ZNF354B: variants seen among roughly 807,000 people sequenced by gnomAD.
The protein encoded by ZNF354B is zinc finger protein 354B.
A neutral mutation model predicts 12.9 loss-of-function variants in ZNF354B; 10 were observed. That is an observed-to-expected ratio of 0.77 (90% CI 0.48 to 1.31). The LOEUF is 1.31. ZNF354B is among the 40% of genes most tolerant of loss of function. ZNF354B has a pLI of 0.00. For synonymous variants in ZNF354B, 260 were observed against 243.7 expected (o/e 1.07, Z -0.62); for missense variants, 614 against 711.7 (o/e 0.86, Z 1.56).
intron 4 of ZNF354B, among the ~76,000 whole-genome samples, chr5:178,880,088 C>T (rs888225658): frequency 1.3e-5 from 2 of 152,104 alleles, no homozygotes; most frequent in African/African-American, 2.4e-5. Context: ...ATCACGTCAC[C>T]GCACTTCAGC....
chr5:178,862,003 ATTAATG>A (rs1757355723), intron 2 of ZNF354B, among the ~76,000 whole-genome samples: 1 of 152,232 alleles, frequency 6.6e-6, no homozygotes, highest in South Asian at 2.1e-4. Context: ...GTCTTAATAT[ATTAATG>A]TTAATGTTGG....
intron 1 of ZNF354B, 88 bp from the exon 2 acceptor site, chr5:178,860,909 C>T (rs1268518347): frequency 1.9e-6 from 1 of 515,650 alleles, no homozygotes; most frequent in Non-Finnish European, 3.5e-6. Context: ...GCGCGGGGTC[C>T]TTCTCAGCGG....
chr5:178,874,384 C>G (rs933606158), intron 4 of ZNF354B, among the ~76,000 whole-genome samples: 2 of 152,140 alleles, frequency 1.3e-5, no homozygotes, highest in Non-Finnish European at 2.9e-5. Flanking sequence ...GGCAATGAGT[C>G]GTAGATTTTG....
rs1266928327 is a variant in ZNF354B, at chr5:178,884,990, T to G, written c.*699T>G. 1 of 152,212 alleles carries G rather than the reference T, an allele frequency of 6.6e-6. No homozygotes were observed. Among genetic ancestry groups the G allele is most frequent in the Non-Finnish European group, 1.5e-5 (1 of 68,018 alleles). 9.4% of individuals were successfully genotyped at this position (152,212 alleles called of 1,614,324 possible). ...CCTTTTCCTGACTTACTGTCAAACT[T>G]CGTGCATGGCTTTTATTAAAAAAGA... On this transcript the variant is annotated 3_prime_UTR_variant, in exon 5 of 5. Transcript: ENST00000322434.
rs1757742864 is a variant in ZNF354B at position 178,883,002 on chromosome 5, A to G, written c.550A>G (p.Thr184Ala). The change falls in exon 5 of 5, where the codon ACT (threonine) becomes GCT (alanine). Residue 184 changes from threonine (T) to alanine (A), a missense_variant. Coordinates refer to ENST00000322434, the MANE Select transcript of ZNF354B (RefSeq NM_058230.3). ...GCAACAGAGATTTGCTAAAGAAAAA[A>G]CTCCATCAAAATGTGAAATACAAAG... is the stretch of plus-strand genomic sequence containing the variant. Reference protein sequence around the residue: ...IKQQRFAKEKTPSKCEIQRNS... With the variant: ...IKQQRFAKEKAPSKCEIQRNS... 11 of 1,606,892 alleles carry G rather than the reference A, an allele frequency of 6.8e-6. No homozygotes were observed. The highest frequency in any genetic ancestry group is 1.1e-5 in the South Asian group (1 of 88,366).
chr5:178,884,342 T>C lies in ZNF354B; in HGVS notation c.*51T>C, dbSNP rs528254971. 13 of 1,510,428 alleles carry C rather than the reference T, an allele frequency of 8.6e-6. No individual in the cohort carries two copies. The East Asian group carries it at 3.0e-4, about 34-fold the overall frequency. 93.6% of individuals were successfully genotyped at this position (1,510,428 alleles called of 1,614,324 possible). On this transcript the variant is annotated 3_prime_UTR_variant, in exon 5 of 5. Coordinates refer to ENST00000322434, the MANE Select transcript of ZNF354B (RefSeq NM_058230.3). ...GAATACATGCTTGAGAGTGATTTAT[T>C]AAATATAATGAATATGAGAAAACTC...
At chr5:178,870,420 G>T (rs1757543204) in intron 4 of ZNF354B, among the ~76,000 whole-genome samples, 1 of 152,128 alleles carries the variant, frequency 6.6e-6, no homozygotes, top group Non-Finnish European at 1.5e-5. Context: ...GGGATCACAG[G>T]CACACGCCAC....
chr5:178,874,442 A>C (rs1043498573), intron 4 of ZNF354B, among the ~76,000 whole-genome samples: 14 of 151,978 alleles, frequency 9.2e-5, no homozygotes, highest in African/African-American at 3.4e-4. Context: ...ATTGGTTTTT[A>C]TTCTTTTTCT....
rs1757396228 is a variant in ZNF354B, at chr5:178,863,623, A to T, written c.33+2543A>T. ...TATTGTACTATTCTTGTTATTTTACAGTGTCTTCCTTTTGCTTGTTTTTTA... is the reference window on the plus strand; with the variant it reads ...TATTGTACTATTCTTGTTATTTTACTGTGTCTTCCTTTTGCTTGTTTTTTA... On this transcript the variant is annotated intron_variant, in intron 2 of 4. Transcript: ENST00000322434. Among the ~76,000 whole-genome samples the T allele has an allele frequency of 2.0e-5, 3 of 152,220 alleles. No homozygotes were observed. The South Asian group carries it at 6.2e-4, about 31-fold the overall frequency.
At chr5:178,863,230 T>TTG (rs1757389176) in intron 2 of ZNF354B, among the ~76,000 whole-genome samples, 3 of 152,166 alleles carry the variant, frequency 2.0e-5, no homozygotes, top group Admixed American at 2.0e-4. Context: ...AATAAAACAT[T>TTG]TATATATATA....
chr5:178,866,437 A>G, intron 3 of ZNF354B, 67 bp downstream of exon 3: 1 of 1,550,798 alleles, frequency 6.4e-7, no homozygotes, highest in Non-Finnish European at 8.7e-7. Flanking sequence ...CCTTCCCTGA[A>G]TAAAAGCAGT....
At chr5:178,863,132 A>G (rs1172362502) in intron 2 of ZNF354B, among the ~76,000 whole-genome samples, 1 of 152,168 alleles carries the variant, frequency 6.6e-6, no homozygotes, top group Non-Finnish European at 1.5e-5. Flanking sequence ...AACAAAGATC[A>G]TGTCTTGTAC....
In ZNF354B at chr5:178,883,789, C is replaced by G. The variant is rs761364974; in HGVS notation, c.1337C>G (p.Ala446Gly). Residue 446 changes from alanine to glycine, a missense_variant, in exon 5 of 5, where the codon GCC becomes GGC. By Grantham distance (60) the Ala-to-Gly change is moderately conservative. Coordinates refer to ENST00000322434, the MANE Select transcript of ZNF354B (RefSeq NM_058230.3). ...TATAATTGTAATGAATGTGGTAAAG[C>G]CTTAAGCTCCCACTCAACACTTATT... The part of the protein sequence containing the change: ...KLYNCNECGK[A>G]LSSHSTLIIH... 3.1e-6 allele frequency: 5 copies of G among 1,613,948 alleles called. No individual in the cohort carries two copies. The African/African-American group carries it at 4.0e-5, about 13-fold the overall frequency.
intron 4 of ZNF354B, among the ~76,000 whole-genome samples, chr5:178,875,270 G>A (rs1488253614): frequency 6.6e-6 from 1 of 152,190 alleles, no homozygotes; most frequent in African/African-American, 2.4e-5. Context: ...AAGGGACTCC[G>A]GTTGGTGGTA....
intron 4 of ZNF354B, among the ~76,000 whole-genome samples, chr5:178,875,569 G>A (rs572463028): frequency 9.2e-5 from 14 of 152,290 alleles, no homozygotes; most frequent in African/African-American, 3.4e-4. Context: ...TACCACTGCA[G>A]TGGCAGTGAC....
At chr5:178,880,197 C>T (rs1757697876) in intron 4 of ZNF354B, among the ~76,000 whole-genome samples, 1 of 151,034 alleles carries the variant, frequency 6.6e-6, no homozygotes, top group Non-Finnish European at 1.5e-5. Flanking sequence ...TCTTTTTTTC[C>T]TTTTCTTTCT....
chr5:178,875,157 C>T (rs1421109911), intron 4 of ZNF354B, among the ~76,000 whole-genome samples: 2 of 152,158 alleles, frequency 1.3e-5, no homozygotes, highest in African/African-American at 4.8e-5. Flanking sequence ...CTCTCCCACT[C>T]GAGTGCTGGC....
At position 178,883,328 on chromosome 5, in the gene ZNF354B, T is replaced by C; in HGVS notation, c.876T>C (p.His292=). 2 of 1,613,910 alleles carry C rather than the reference T, an allele frequency of 1.2e-6. No individual in the cohort carries two copies. Among genetic ancestry groups the C allele is most frequent in the Admixed American group, 1.7e-5 (1 of 60,014 alleles). ...CCCTTTGTAAGCATTTAAGGACCCA[T>C]ACTGTGGAGAAATGCTATAGATGTA... ...SASLCKHLRT[H]TVEKCYRCKE... The change falls in exon 5 of 5, where the codon CAT becomes CAC. Residue 292 remains histidine, a synonymous_variant. Coordinates refer to ENST00000322434, the MANE Select transcript of ZNF354B (RefSeq NM_058230.3).
intron 4 of ZNF354B, among the ~76,000 whole-genome samples, chr5:178,868,861 A>C (rs1047474010): frequency 6.6e-6 from 1 of 151,676 alleles, no homozygotes; most frequent in African/African-American, 2.4e-5. Context: ...AGTCCCAGCT[A>C]CTCGGGAGAC....
Sources: gnomAD v4.1 joint callset for allele counts (sites outside exome capture counted in the v4.1 genomes callset) on GRCh38, gnomAD v4.1.1 for gene constraint, MANE v1.5 for transcripts, NCBI Gene and HGNC (gene_info 2026-07-23, HGNC 2026-07-21) for gene names.